ZSWIM6: variants seen among roughly 807,000 people sequenced by gnomAD.
The protein encoded by ZSWIM6 is zinc finger SWIM domain-containing protein 6.
Under a neutral mutation model 113.2 loss-of-function variants are expected in ZSWIM6, and 9 were observed. The observed-to-expected ratio is 0.08, with a 90% CI of 0.05 to 0.14. ZSWIM6 has a LOEUF of 0.14. Among genes scored for constraint, ZSWIM6 ranks in the 10% least tolerant of loss-of-function variants. ZSWIM6 has a pLI of 1.00. For synonymous variants in ZSWIM6, 611 were observed against 606.5 expected (o/e 1.01, Z -0.11); for missense variants, 1,162 against 1,552.2 (o/e 0.75, Z 4.22).
At chr5:61,422,851 G>A (rs1414806575) in intron 1 of ZSWIM6, among the ~76,000 whole-genome samples, 2 of 151,960 alleles carry the variant, frequency 1.3e-5, no homozygotes, top group Non-Finnish European at 2.9e-5. Context: ...TGATTTTTCA[G>A]ATTGTTTGCT....
intron 4 of ZSWIM6, among the ~76,000 whole-genome samples, chr5:61,518,678 C>G (rs889531649): frequency 1.3e-5 from 2 of 152,006 alleles, no homozygotes; most frequent in African/African-American, 4.8e-5. Context: ...ATTGTAGATT[C>G]TGGATATTAG....
chr5:61,342,358 T>C (rs565208495), intron 1 of ZSWIM6, among the ~76,000 whole-genome samples: 17 of 152,280 alleles, frequency 1.1e-4, no homozygotes, highest in Admixed American at 3.9e-4. Context: ...AAGAAGTGAG[T>C]AAGACCTACT....
intron 1 of ZSWIM6, among the ~76,000 whole-genome samples, chr5:61,468,984 A>G (rs1561249985): frequency 6.6e-6 from 1 of 152,196 alleles, no homozygotes; most frequent in Non-Finnish European, 1.5e-5. Context: ...ATGCTCACCT[A>G]AAGGTAAGGG....
intron 1 of ZSWIM6, among the ~76,000 whole-genome samples, chr5:61,415,744 C>T (rs915515517): frequency 1.3e-5 from 2 of 152,140 alleles, no homozygotes; most frequent in Non-Finnish European, 2.9e-5. Context: ...CATAACCAGT[C>T]AACTACAGGC....
At chr5:61,374,140 T>G (rs555653630) in intron 1 of ZSWIM6, among the ~76,000 whole-genome samples, 3 of 152,208 alleles carry the variant, frequency 2.0e-5, no homozygotes, top group African/African-American at 4.8e-5. Context: ...GTCCTTTGAA[T>G]GGAAAATTAG....
intron 10 of ZSWIM6, among the ~76,000 whole-genome samples, chr5:61,536,719 G>A (rs935857407): frequency 5.9e-5 from 9 of 152,206 alleles, no homozygotes; most frequent in African/African-American, 2.2e-4. Flanking sequence ...ATGTGTGTAT[G>A]TGTCTGTGTG....
intron 1 of ZSWIM6, among the ~76,000 whole-genome samples, chr5:61,448,910 AT>A (rs979525020): frequency 7.0e-4 from 107 of 152,304 alleles, no homozygotes; most frequent in African/African-American, 2.5e-3. Flanking sequence ...TATGTAGGAT[AT>A]TTTGACATTT....
chr5:61,412,180 C>T (rs577698840), intron 1 of ZSWIM6, among the ~76,000 whole-genome samples: 2 of 152,262 alleles, frequency 1.3e-5, no homozygotes, highest in Admixed American at 6.5e-5. Context: ...GAGATTGGGA[C>T]CCTATACTGA....
chr5:61,379,000 C>T (rs1385317086), intron 1 of ZSWIM6, among the ~76,000 whole-genome samples: 4 of 151,814 alleles, frequency 2.6e-5, no homozygotes, highest in East Asian at 1.9e-4. Context: ...GGTAATGTAG[C>T]GAGACCCTGT....
Position 61,494,346 on chromosome 5 carries a change from G to C in ZSWIM6, c.1269G>C (p.Leu423=), listed in dbSNP as rs1420409113. ...AGCAATTCATGGCTGACCCTCGCCT[G>C]TCACTTTGGCGGCAACAAGGCACTG... ...ITEQFMADPR[L]SLWRQQGTAM... Residue 423 remains leucine, a synonymous_variant, in exon 4 of 14, where the codon CTG becomes CTC. Transcript: ENST00000252744. 5.8e-6 allele frequency: 9 copies of C among 1,551,056 alleles called. No homozygotes were observed. The Admixed American group carries it at 1.8e-4, about 30-fold the overall frequency.
intron 1 of ZSWIM6, among the ~76,000 whole-genome samples, chr5:61,339,127 T>TAATAGGC (rs1234626781): frequency 2.6e-5 from 4 of 152,354 alleles, no homozygotes; most frequent in African/African-American, 9.6e-5. Context: ...TGATTTCAGC[T>TAATAGGC]AGTAATGTGT....
intron 4 of ZSWIM6, among the ~76,000 whole-genome samples, chr5:61,505,418 T>G (rs1250507227): frequency 6.6e-6 from 1 of 152,126 alleles, no homozygotes; most frequent in Non-Finnish European, 1.5e-5. Context: ...GTGGCTCTGG[T>G]GACCTCCTAC....
intron 1 of ZSWIM6, among the ~76,000 whole-genome samples, chr5:61,461,395 A>G (rs1184901161): frequency 6.6e-6 from 1 of 152,260 alleles, no homozygotes; most frequent in Non-Finnish European, 1.5e-5. Flanking sequence ...GGGAACAAGA[A>G]ATAGATATTA....
chr5:61,402,478 CTT>C (rs1380778120), intron 1 of ZSWIM6, among the ~76,000 whole-genome samples: 1 of 151,306 alleles, frequency 6.6e-6, no homozygotes, highest in African/African-American at 2.4e-5. Flanking sequence ...GAAGTATAGA[CTT>C]AAGTTAAAAT....
At chr5:61,336,061 T>C (rs888176278) in intron 1 of ZSWIM6, among the ~76,000 whole-genome samples, 4 of 151,832 alleles carry the variant, frequency 2.6e-5, no homozygotes, top group African/African-American at 9.7e-5. Context: ...TCAGAAGTTC[T>C]AGACCAGACT....
intron 3 of ZSWIM6, 108 bp downstream of exon 3, chr5:61,491,042 C>T: frequency 2.6e-6 from 3 of 1,155,714 alleles, no homozygotes; most frequent in Non-Finnish European, 3.4e-6. Flanking sequence ...AATTAAAGAA[C>T]AGGGTCTTAG....
chr5:61,483,599 TG>T (rs2112202523), intron 2 of ZSWIM6, among the ~76,000 whole-genome samples: 1 of 151,938 alleles, frequency 6.6e-6, no homozygotes, highest in East Asian at 1.9e-4. Flanking sequence ...CTGGGTATGG[TG>T]GCTCACACCT....
At chr5:61,352,096 C>T (rs532480278) in intron 1 of ZSWIM6, among the ~76,000 whole-genome samples, 1 of 152,180 alleles carries the variant, frequency 6.6e-6, no homozygotes, top group South Asian at 2.1e-4. Context: ...GCACAATGTC[C>T]TCTCCTGCCT....
At position 61,421,857 on chromosome 5, in the gene ZSWIM6, C is replaced by G. The variant is rs549574937; in HGVS notation, c.677-50824C>G. Among the ~76,000 whole-genome samples, 11 of 152,326 alleles carry G rather than the reference C, an allele frequency of 7.2e-5. No individual in the cohort carries two copies. In the East Asian group the frequency reaches 1.9e-3, roughly 27 times the overall value. Reference sequence around the variant, plus strand: ...AGTATTCCATGGTGTATATGTACCACATTTTCTTTAGCCAGTATGTCATCA... The same window carrying G: ...AGTATTCCATGGTGTATATGTACCAGATTTTCTTTAGCCAGTATGTCATCA... On this transcript the variant is annotated intron_variant, in intron 1 of 13. Transcript: ENST00000252744.
Sources: allele counts gnomAD v4.1 joint callset (sites outside exome capture counted in the v4.1 genomes callset), GRCh38; gene constraint gnomAD v4.1.1; transcripts MANE v1.5; gene names NCBI Gene and HGNC (gene_info 2026-07-23, HGNC 2026-07-21).